Variants in DDAH1 observed in about 807,000 individuals in gnomAD.
The protein encoded by DDAH1 is dimethylarginine dimethylaminohydrolase 1, also known as N(G),N(G)-dimethylarginine dimethylaminohydrolase 1.
A neutral mutation model predicts 28.8 loss-of-function variants in DDAH1; 19 were observed. The ratio of observed to expected loss-of-function variants is 0.66; its 90% CI spans 0.46 to 0.97. DDAH1 has a LOEUF of 0.97. DDAH1 is among the 50% of genes least tolerant of loss of function. DDAH1 has a pLI of 0.00. For synonymous variants in DDAH1, 153 were observed against 154.4 expected (o/e 0.99, Z 0.07); for missense variants, 326 against 375.9 (o/e 0.87, Z 1.10).
chr1:85,418,147 G>T (rs1304725286), intron 1 of DDAH1, among the ~76,000 whole-genome samples: 1 of 152,190 alleles, frequency 6.6e-6, no homozygotes, highest in South Asian at 2.1e-4. Context: ...TGCTGCTGCT[G>T]CAGGCAGATA....
At chr1:85,500,708 GC>G (rs1248404050) in intron 1 of DDAH1, among the ~76,000 whole-genome samples, 4 of 151,980 alleles carry the variant, frequency 2.6e-5, no homozygotes, top group Non-Finnish European at 5.9e-5. Context: ...CAGATGTTAG[GC>G]CACCTCATAC....
chr1:85,457,499 C>G (rs1289631677), intron 1 of DDAH1, among the ~76,000 whole-genome samples: 1 of 152,142 alleles, frequency 6.6e-6, no homozygotes, highest in African/African-American at 2.4e-5. Flanking sequence ...TCATCTGTAT[C>G]TCCCCAGCAC....
intron 4 of DDAH1, among the ~76,000 whole-genome samples, chr1:85,349,774 A>T (rs745642146): frequency 4.6e-5 from 7 of 152,160 alleles, no homozygotes; most frequent in Non-Finnish European, 8.8e-5. Context: ...AGTTACAGAG[A>T]AGGAAAGGGA....
At chr1:85,362,990 C>T (rs1054221536) in intron 1 of DDAH1, among the ~76,000 whole-genome samples, 1 of 152,006 alleles carries the variant, frequency 6.6e-6, no homozygotes, top group Non-Finnish European at 1.5e-5. Context: ...TAATATAAAA[C>T]AAAACAAAAA....
chr1:85,465,954 T>G, upstream of DDAH1, among the ~76,000 whole-genome samples: 1 of 152,256 alleles, frequency 6.6e-6, no homozygotes, highest in East Asian at 1.9e-4. Flanking sequence ...CAGCACAGAC[T>G]ACAGCAGCAC....
rs559604056 is a variant in DDAH1, at chr1:85,440,445, G to C, written c.303+24298C>G. 1.3e-5 allele frequency among the ~76,000 whole-genome samples: 2 copies of C among 152,238 alleles called. 1 individual carries two copies. The highest frequency in any genetic ancestry group is 3.9e-4 in the East Asian group (2 of 5,172). On this transcript the variant is annotated intron_variant, in intron 1 of 5. Coordinates refer to ENST00000284031, the MANE Select transcript of DDAH1 (RefSeq NM_012137.4). ...ACCCACTCACATTGTGAGCTCACAG[G>C]GGTCTAATCAGAGGTGAGTAGCCGG...
intron 1 of DDAH1, among the ~76,000 whole-genome samples, chr1:85,544,253 T>C (rs1658553045): frequency 6.6e-6 from 1 of 152,162 alleles, no homozygotes; most frequent in Non-Finnish European, 1.5e-5. Context: ...CAGATCTCTG[T>C]ACAGGGAAGA....
At position 85,345,733 on chromosome 1, in the gene DDAH1, C is replaced by T. The variant is rs377009611; in HGVS notation, c.597+4682G>A. The stretch of plus-strand genomic sequence containing the variant: ...TTCAAAAATTAGCTGGGCGTGGTGG[C>T]GGGTGCCTATAATCCCAGTTACTCA... On this transcript the variant is annotated intron_variant, in intron 4 of 5. Coordinates refer to ENST00000284031, the MANE Select transcript of DDAH1 (RefSeq NM_012137.4). Among the ~76,000 whole-genome samples, 8 of 152,012 alleles carry T rather than the reference C, an allele frequency of 5.3e-5. No homozygotes were observed. In the East Asian group the frequency reaches 1.2e-3, roughly 22 times the overall value.
rs1159410882 is a variant in DDAH1, at chr1:85,464,696, G to A, written c.303+47C>T. ...GGCAACACGGCGGCCGGCGGCGGGG[G>A]AGGGCCTGGCGCGCGCCCCGGCCGC... On this transcript the variant is annotated intron_variant, in intron 1 of 5. Transcript: ENST00000284031. This position sits in a 1 kb window ranked among gnomAD's most constrained non-coding sequence, Gnocchi z 4.4. 1 of 1,433,732 alleles carries A rather than the reference G, an allele frequency of 7.0e-7. No homozygotes were observed. The highest frequency in any genetic ancestry group is 1.5e-5 in the South Asian group (1 of 67,646). 88.8% of individuals were successfully genotyped at this position (1,433,732 alleles called of 1,614,324 possible). A position where few individuals can be genotyped will look rare whatever the true frequency, so the allele number is the denominator to read the frequency against.
intron 1 of DDAH1, among the ~76,000 whole-genome samples, chr1:85,545,603 T>A (rs1524003): frequency 0.75 from 113,369 of 152,110 alleles, 42,374 homozygotes; most frequent in East Asian, 0.87. Flanking sequence ...GAGGTGTATA[T>A]GAGAGGCAAA....
At chr1:85,323,399 C>T (rs1367140440) in intron 5 of DDAH1, among the ~76,000 whole-genome samples, 1 of 151,996 alleles carries the variant, frequency 6.6e-6, no homozygotes, top group Non-Finnish European at 1.5e-5. Context: ...AGGGTAAAAT[C>T]GAAATTACTA....
chr1:85,431,361 A>C (rs1169679687), intron 1 of DDAH1, among the ~76,000 whole-genome samples: 1 of 152,054 alleles, frequency 6.6e-6, no homozygotes, highest in Non-Finnish European at 1.5e-5. Flanking sequence ...GATAGGAGGC[A>C]TTTTAGTCCT....
intron 1 of DDAH1, among the ~76,000 whole-genome samples, chr1:85,572,417 C>A (rs192330142): frequency 6.6e-6 from 1 of 152,128 alleles, no homozygotes; most frequent in Non-Finnish European, 1.5e-5. Flanking sequence ...ATGCTCTCCC[C>A]GAAAGGAATG....
At chr1:85,414,656 T>G (rs185952398) in intron 1 of DDAH1, among the ~76,000 whole-genome samples, 1 of 152,288 alleles carries the variant, frequency 6.6e-6, no homozygotes, top group East Asian at 1.9e-4. Context: ...AGGAGAGAGA[T>G]TCTCCTTTAC....
At chr1:85,374,113 GATAGGGGAGACTGGAC>G (rs1650531394) in intron 1 of DDAH1, among the ~76,000 whole-genome samples, 1 of 152,096 alleles carries the variant, frequency 6.6e-6, no homozygotes, top group Non-Finnish European at 1.5e-5. Context: ...CGTGACTCTA[GATAGGGGAGACTGGAC>G]CACTGGAAGC....
chr1:85,437,071 G>C (rs955227611), intron 1 of DDAH1, among the ~76,000 whole-genome samples: 9 of 152,092 alleles, frequency 5.9e-5, no homozygotes, highest in African/African-American at 1.9e-4. Flanking sequence ...TGACTTCGAG[G>C]CTAGCTTGAA....
chr1:85,377,217 A>G (rs962374496), intron 1 of DDAH1, among the ~76,000 whole-genome samples: 2 of 152,192 alleles, frequency 1.3e-5, no homozygotes, highest in Non-Finnish European at 2.9e-5. Flanking sequence ...CGGTTTAACA[A>G]GATTCCTGAT....
intron 1 of DDAH1, among the ~76,000 whole-genome samples, chr1:85,449,112 G>A (rs1654557524): frequency 6.6e-6 from 1 of 152,134 alleles, no homozygotes; most frequent in African/African-American, 2.4e-5. Flanking sequence ...ATAGCACAAG[G>A]CCAGTGACCA....
Position 85,552,537 on chromosome 1 carries a change from C to G in DDAH1, c.-123+25447G>C, listed in dbSNP as rs543806325. ...CATAATGGCCACTTCCTCAAGGAAGCTCCCTTAATTCTTCTCATCATCATT... is the reference window on the plus strand; with the variant it reads ...CATAATGGCCACTTCCTCAAGGAAGGTCCCTTAATTCTTCTCATCATCATT... On this transcript the variant is annotated intron_variant, in intron 1 of 6. Coordinates refer to the DDAH1 transcript ENST00000426972. Among the ~76,000 whole-genome samples, 3 of 152,322 alleles carry G rather than the reference C, an allele frequency of 2.0e-5. No individual in the cohort carries two copies. The East Asian group carries it at 5.8e-4, about 29-fold the overall frequency.
Sources: gnomAD v4.1 joint callset for allele counts (sites outside exome capture counted in the v4.1 genomes callset) on GRCh38, gnomAD v4.1.1 for gene constraint, Gnocchi (gnomAD v3.1) non-coding constraint, MANE v1.5 for transcripts, NCBI Gene and HGNC (gene_info 2026-07-23, HGNC 2026-07-21) for gene names.